Variants in KCNG2 observed in about 807,000 individuals in gnomAD.
The protein encoded by KCNG2 is potassium voltage-gated channel modifier subfamily G member 2.
KCNG2 carries 7 observed loss-of-function variants against 12.3 expected under a neutral mutation model. The ratio of observed to expected loss-of-function variants is 0.57; its 90% confidence interval spans 0.32 to 1.07. The LOEUF is 1.07. KCNG2 is among the 50% of genes least tolerant of loss of function. KCNG2 has a pLI of 0.04. For missense variants in KCNG2, 703 were observed against 726.0 expected (o/e 0.97, Z 0.36); for synonymous variants, 414 against 351.4 (o/e 1.18, Z -1.99).
chr18:79,833,034 CT>C (rs56094014), intron 1 of KCNG2, among the ~76,000 whole-genome samples: 46,023 of 152,086 alleles, frequency 0.3, 7,921 homozygotes, highest in South Asian at 0.52. Context: ...TATTTTATAA[CT>C]TTTTTTGAAA....
rs771723963 is a variant in KCNG2, at chr18:79,899,654, C to T, written c.1239C>T (p.Ser413=). 4 of 1,606,576 alleles carry T rather than the reference C, an allele frequency of 2.5e-6. No homozygotes were observed. The highest frequency in any genetic ancestry group is 1.7e-5 in the Admixed American group (1 of 59,314). Residue 413 remains serine, a synonymous_variant, in exon 4 of 4, where the codon TCC becomes TCT. Coordinates refer to ENST00000316249, the MANE Select transcript of KCNG2 (RefSeq NM_012283.2). Reference sequence around the variant, plus strand: ...TCCACACCTTTTCGCGCTCCTACTCCGAGCTCAAGGAGCAGCAGCAGCGCG... The same window carrying T: ...TCCACACCTTTTCGCGCTCCTACTCTGAGCTCAAGGAGCAGCAGCAGCGCG... The part of the protein sequence containing the change: ...SIFHTFSRSY[S]ELKEQQQRAA...
intron 1 of KCNG2, among the ~76,000 whole-genome samples, chr18:79,805,514 A>G (rs181656370): frequency 3.4e-4 from 51 of 152,222 alleles, no homozygotes; most frequent in African/African-American, 9.9e-4. Flanking sequence ...ATGTCTGGCT[A>G]AGGCTGAATG....
rs763020388 is a variant in KCNG2 at position 79,899,308 on chromosome 18, T to A, written c.893T>A (p.Val298Glu). 1 of 1,558,842 alleles carries A rather than the reference T, an allele frequency of 6.4e-7. No individual in the cohort carries two copies. Among genetic ancestry groups the A allele is most frequent in the Non-Finnish European group, 8.6e-7 (1 of 1,162,338 alleles). The change falls in exon 4 of 4, where the codon GTG (valine) becomes GAG (glutamate). Residue 298 changes from valine (V) to glutamate (E), a missense_variant. Val to Glu is a moderately radical substitution (Grantham distance 121). Coordinates refer to ENST00000316249, the MANE Select transcript of KCNG2 (RefSeq NM_012283.2). Reference protein sequence around the residue: ...RLLRALRVLYVMRLARHSLGL... With the variant: ...RLLRALRVLYEMRLARHSLGL... ...CTGCGTGCGCTGCGCGTGCTCTACG[T>A]GATGCGCCTGGCGCGCCACTCGCTG...
At chr18:79,888,840 A>T (rs114681237) in intron 3 of KCNG2, among the ~76,000 whole-genome samples, 5 of 148,098 alleles carry the variant, frequency 3.4e-5, no homozygotes, top group African/African-American at 9.9e-5. Flanking sequence ...ACGCCCAGCT[A>T]TTTTTTTTTT....
intron 1 of KCNG2, among the ~76,000 whole-genome samples, chr18:79,839,245 G>T (rs1000632888): frequency 4.6e-5 from 7 of 152,194 alleles, no homozygotes; most frequent in African/African-American, 1.4e-4. Flanking sequence ...AGTGAGCCAT[G>T]ATCATGCCAC....
intron 1 of KCNG2, among the ~76,000 whole-genome samples, chr18:79,833,281 G>A (rs1209498746): frequency 1.3e-5 from 2 of 152,206 alleles, no homozygotes; most frequent in Non-Finnish European, 2.9e-5. Context: ...GACTACAGGT[G>A]TGTGCTACCA....
At chr18:79,865,213 G>A (rs1030772157) in intron 3 of KCNG2, among the ~76,000 whole-genome samples, 11 of 138,454 alleles carry the variant, frequency 7.9e-5, no homozygotes, top group African/African-American at 2.5e-4. Context: ...CTGCTGAGAG[G>A]TCTGTGCTGA....
chr18:79,822,192 G>A lies in KCNG2; in HGVS notation c.-115+24178G>A, dbSNP rs2087575694. On this transcript the variant is annotated intron_variant, in intron 1 of 3. Coordinates refer to ENST00000316249, the MANE Select transcript of KCNG2 (RefSeq NM_012283.2). The surrounding 1 kb of genome is among the most constrained non-coding windows in gnomAD (Gnocchi z 4.4). ...GAACGATTTTTAGACTTATAGGAAAGTTGCAGATTCATAGAGGTTCCCATG... is the reference window on the plus strand; with the variant it reads ...GAACGATTTTTAGACTTATAGGAAAATTGCAGATTCATAGAGGTTCCCATG... 6.6e-6 allele frequency among the ~76,000 whole-genome samples: 1 copy of A among 152,160 alleles called. No homozygotes were observed. The highest frequency in any genetic ancestry group is 2.1e-4 in the South Asian group (1 of 4,834).
rs1555695121 is a variant in KCNG2 at position 79,872,287 on chromosome 18, T to TTTGTTTG, written c.624+7998_624+7999insGTTTGTT. Among the ~76,000 whole-genome samples the TTTGTTTG allele has an allele frequency of 3.5e-5, 4 of 113,574 alleles. No homozygotes were observed. The South Asian group carries it at 1.1e-3, about 30-fold the overall frequency. The allele number at this position is 113,574 out of a possible 152,430, so 74.5% of individuals were successfully genotyped here. ...AAAAGCTTCAAAGCTTCAGTTTTTT[T>TTTGTTTG]TTTTTTTTTTTTTTTTGAGATGGAG... On this transcript the variant is annotated intron_variant, in intron 3 of 3. Transcript: ENST00000316249.
intron 1 of KCNG2, among the ~76,000 whole-genome samples, chr18:79,835,249 G>C (rs1978317546): frequency 6.6e-6 from 1 of 152,212 alleles, no homozygotes; most frequent in Non-Finnish European, 1.5e-5. Context: ...CAGCATCTGA[G>C]AGGCTCAAAA....
rs1162742507 is a variant in KCNG2, at chr18:79,872,280, G to GTTTTTTTTTTTTTTTTTTTTT, written c.624+7992_624+8012dup. 4.1e-4 allele frequency among the ~76,000 whole-genome samples: 30 copies of GTTTTTTTTTTTTTTTTTTTTT among 73,414 alleles called. 4 individuals carry two copies. The highest frequency in any genetic ancestry group is 1.6e-3 in the African/African-American group (30 of 19,070). The allele number at this position is 73,414 out of a possible 152,430, so 48.2% of individuals were successfully genotyped here. On this transcript the variant is annotated intron_variant, in intron 3 of 3. Coordinates refer to ENST00000316249, the MANE Select transcript of KCNG2 (RefSeq NM_012283.2). ...CTGATATAAAAGCTTCAAAGCTTCA[G>GTTTTTTTTTTTTTTTTTTTTT]TTTTTTTTTTTTTTTTTTTTTTTGA...
chr18:79,898,145 G>A (rs1401340612), intron 3 of KCNG2, among the ~76,000 whole-genome samples: 2 of 152,050 alleles, frequency 1.3e-5, no homozygotes, highest in Non-Finnish European at 2.9e-5. Context: ...AGTGCCCTTC[G>A]GTGTAAACTT....
intron 3 of KCNG2, among the ~76,000 whole-genome samples, chr18:79,867,998 C>T (rs564078751): frequency 6.6e-6 from 1 of 152,192 alleles, no homozygotes; most frequent in African/African-American, 2.4e-5. Flanking sequence ...GTCTGGGTGT[C>T]TGGCGGCCAG....
intron 3 of KCNG2, among the ~76,000 whole-genome samples, chr18:79,888,598 TC>T (rs1326667167): frequency 2.0e-5 from 3 of 152,166 alleles, no homozygotes; most frequent in African/African-American, 7.2e-5. Flanking sequence ...CGGTTCTCAT[TC>T]CCGTTTCCCT....
intron 2 of KCNG2, among the ~76,000 whole-genome samples, chr18:79,859,365 C>G (rs147125145): frequency 8.7e-4 from 132 of 152,300 alleles, no homozygotes; most frequent in African/African-American, 2.9e-3. Context: ...TGGAAAAGTT[C>G]AAGATCAGGC....
At chr18:79,817,332 G>A (rs1337811336) in intron 1 of KCNG2, among the ~76,000 whole-genome samples, 1 of 152,224 alleles carries the variant, frequency 6.6e-6, no homozygotes, top group Non-Finnish European at 1.5e-5. Flanking sequence ...CCACTCACAT[G>A]CCTGTCACAT....
intron 2 of KCNG2, 77 bp from the exon 3 acceptor site, chr18:79,863,551 G>T: frequency 6.5e-6 from 7 of 1,084,746 alleles, no homozygotes; most frequent in Non-Finnish European, 8.0e-6. Flanking sequence ...TGCCGGCCCG[G>T]CCCCTGGATC....
intron 2 of KCNG2, among the ~76,000 whole-genome samples, chr18:79,861,973 A>G (rs1979238237): frequency 6.6e-6 from 1 of 152,174 alleles, no homozygotes; most frequent in Non-Finnish European, 1.5e-5. Context: ...CAGAATTTCT[A>G]TCACTTTTTT....
In KCNG2 at chr18:79,867,510, C is replaced by T. The variant is rs866522877; in HGVS notation, c.624+3219C>T. 3.6e-3 allele frequency among the ~76,000 whole-genome samples: 264 copies of T among 73,788 alleles called. 2 individuals carry two copies. The highest frequency in any genetic ancestry group is 0.014 in the African/African-American group (241 of 17,020). 48.4% of individuals were successfully genotyped at this position (73,788 alleles called of 152,430 possible). On this transcript the variant is annotated intron_variant, in intron 3 of 3. Transcript: ENST00000316249. ...GTGTCTGGGGGGGGGATCGTGAGCC[C>T]GGCGTGTGTCGTGTCTGGGGGGGGA...
Sources: allele counts gnomAD v4.1 joint callset (sites outside exome capture counted in the v4.1 genomes callset), GRCh38; gene constraint gnomAD v4.1.1; non-coding constraint Gnocchi (gnomAD v3.1); transcripts MANE v1.5; gene names NCBI Gene and HGNC (gene_info 2026-07-23, HGNC 2026-07-21).